PCA3: variants seen among roughly 807,000 people sequenced by gnomAD.
PCA3 encodes prostate cancer associated 3.
At chr9:76,773,716 T>C (rs1204322176) in intron 2 of PCA3, among the ~76,000 whole-genome samples, 1 of 152,192 alleles carries the variant, frequency 6.6e-6, no homozygotes, top group African/African-American at 2.4e-5. Context: ...AGTGCTGGGA[T>C]TACAGGCGTG....
intron 2 of PCA3, among the ~76,000 whole-genome samples, chr9:76,768,154 G>A (rs2130874828): frequency 6.6e-6 from 1 of 152,054 alleles, no homozygotes; most frequent in East Asian, 1.9e-4. Flanking sequence ...CAGAAAGCTT[G>A]GCTATACCTT....
At chr9:76,771,529 A>G (rs615037) in intron 2 of PCA3, among the ~76,000 whole-genome samples, 72,435 of 151,968 alleles carry the variant, frequency 0.48, 17,673 homozygotes, top group East Asian at 0.67. Context: ...GACTACGGTG[A>G]GTCGGGGGTC....
chr9:76,782,375 T>C (rs1013325800), intron 2 of PCA3, among the ~76,000 whole-genome samples: 1 of 152,132 alleles, frequency 6.6e-6, no homozygotes, highest in Non-Finnish European at 1.5e-5. Flanking sequence ...GAGAGGCAGG[T>C]CAGTGGAGTA....
intron 2 of PCA3, among the ~76,000 whole-genome samples, chr9:76,780,939 G>A (rs140318777): frequency 1.7e-4 from 26 of 152,210 alleles, no homozygotes; most frequent in African/African-American, 6.0e-4. Context: ...TGAGAAAGTG[G>A]TCTAGGACAT....
chr9:76,774,458 T>TTTATTTATTTATTTATTTATTTATTTA (rs2053499577), intron 2 of PCA3, among the ~76,000 whole-genome samples: 2 of 33,294 alleles, frequency 6.0e-5, no homozygotes, highest in African/African-American at 6.2e-4. Context: ...CCCTTTTTTT[T>TTTATTTATTTATTTATTTATTTATTTA]TTTTTTTTTT....
intron 2 of PCA3, among the ~76,000 whole-genome samples, chr9:76,772,297 T>C (rs766834962): frequency 7.9e-5 from 12 of 152,208 alleles, no homozygotes; most frequent in Non-Finnish European, 1.2e-4. Flanking sequence ...AGGGATGGAC[T>C]CTTCAATAGT....
At chr9:76,780,196 C>T (rs1032138802) in intron 2 of PCA3, among the ~76,000 whole-genome samples, 2 of 152,194 alleles carry the variant, frequency 1.3e-5, no homozygotes, top group Admixed American at 6.5e-5. Flanking sequence ...GCGATAGCTA[C>T]ATGACCCAAT....
intron 2 of PCA3, among the ~76,000 whole-genome samples, chr9:76,774,383 C>A (rs1209798335): frequency 6.6e-6 from 1 of 151,396 alleles, no homozygotes; most frequent in Admixed American, 6.6e-5. Flanking sequence ...AGCAATCCAC[C>A]TGCTTTGGCC....
At chr9:76,768,186 T>C (rs572920563) in intron 2 of PCA3, among the ~76,000 whole-genome samples, 133 of 150,090 alleles carry the variant, frequency 8.9e-4, no homozygotes, top group African/African-American at 3.3e-3. Context: ...AGTACTTCCA[T>C]GTCAATGATT....
chr9:76,773,712 G>T (rs2053381869), intron 2 of PCA3, among the ~76,000 whole-genome samples: 1 of 152,128 alleles, frequency 6.6e-6, no homozygotes, highest in African/African-American at 2.4e-5. Flanking sequence ...CCAAAGTGCT[G>T]GGATTACAGG....
At chr9:76,766,088 C>T (rs1392636223) in intron 2 of PCA3, among the ~76,000 whole-genome samples, 1 of 150,256 alleles carries the variant, frequency 6.7e-6, no homozygotes, top group East Asian at 2.0e-4. Flanking sequence ...GAGGCTGAGG[C>T]AGGAGAATCG....
intron 2 of PCA3, among the ~76,000 whole-genome samples, chr9:76,765,656 G>A (rs2052279416): frequency 6.6e-6 from 1 of 152,096 alleles, no homozygotes; most frequent in African/African-American, 2.4e-5. Context: ...ATCCATCCAT[G>A]GGGTTTGAGC....
intron 2 of PCA3, among the ~76,000 whole-genome samples, chr9:76,768,579 ATGTATGTGTGTGTGTG>A (rs1356419798): frequency 3.1e-4 from 31 of 100,610 alleles, no homozygotes; most frequent in Non-Finnish European, 5.0e-4. Context: ...ATATATGTAT[ATGTATGTGTGTGTGTG>A]TGTGTGTGTG....
At chr9:76,769,521 G>A (rs909400137) in intron 2 of PCA3, among the ~76,000 whole-genome samples, 1 of 152,140 alleles carries the variant, frequency 6.6e-6, no homozygotes, top group Admixed American at 6.5e-5. Context: ...CGCCCCCCGG[G>A]TTCAAGTGAT....
chr9:76,782,858 T>C (rs2054569362), intron 2 of PCA3: 1 of 152,226 alleles, frequency 6.6e-6, no homozygotes, highest in Admixed American at 6.5e-5. Flanking sequence ...GAACGAAGAA[T>C]AGACCAGAAG....
intron 2 of PCA3, among the ~76,000 whole-genome samples, chr9:76,773,724 G>A (rs1289989693): frequency 1.3e-5 from 2 of 152,166 alleles, no homozygotes; most frequent in South Asian, 2.1e-4. Context: ...GATTACAGGC[G>A]TGAGCCACCG....
At chr9:76,776,072 G>A (rs2053701036) in intron 2 of PCA3, among the ~76,000 whole-genome samples, 1 of 152,190 alleles carries the variant, frequency 6.6e-6, no homozygotes, top group African/African-American at 2.4e-5. Flanking sequence ...AATCTCACGT[G>A]CACAGAGTAA....
intron 2 of PCA3, among the ~76,000 whole-genome samples, chr9:76,768,435 C>T (rs2130882154): frequency 6.6e-6 from 1 of 152,204 alleles, no homozygotes; most frequent in East Asian, 1.9e-4. Context: ...TCAAGTGATC[C>T]TCCTGCCTTG....
At chr9:76,778,499 G>A (rs1157128853) in intron 2 of PCA3, 2 of 152,228 alleles carry the variant, frequency 1.3e-5, no homozygotes, top group African/African-American at 4.8e-5. Context: ...AGAGACACAG[G>A]AGATCAGTTG....
Sources: allele counts gnomAD v4.1 joint callset (sites outside exome capture counted in the v4.1 genomes callset), GRCh38; gene constraint gnomAD v4.1.1; transcripts MANE v1.5; gene names NCBI Gene and HGNC (gene_info 2026-07-23, HGNC 2026-07-21).